Variants in SLC6A6 observed in about 807,000 individuals in gnomAD.
SLC6A6 encodes the protein sodium- and chloride-dependent taurine transporter.
SLC6A6 carries 16 observed loss-of-function variants against 68.8 expected under a neutral mutation model. The observed-to-expected ratio is 0.23, with a 90% CI of 0.16 to 0.35. The LOEUF is 0.35. Ranked by LOEUF, SLC6A6 falls within the 10% of genes least tolerant of loss-of-function variation. The probability of loss-of-function intolerance (pLI) is 1.00; values close to 1 mark genes in which losing one functional copy is unlikely to be tolerated. For missense variants in SLC6A6, 474 were observed against 802.8 expected, an observed-to-expected ratio of 0.59 and a Z score of 4.95; for synonymous variants, 312 against 315.4, an observed-to-expected ratio of 0.99 and a Z score of 0.12.
intron 5 of SLC6A6, among the ~76,000 whole-genome samples, chr3:14,454,281 G>C (rs1361211108): frequency 8.4e-6 from 1 of 118,566 alleles, no homozygotes; most frequent in Non-Finnish European, 1.8e-5. Flanking sequence ...CAGGGGCAGA[G>C]ACTGTGCTGG....
chr3:14,471,137 T>A (rs555816275), intron 9 of SLC6A6, among the ~76,000 whole-genome samples: 2,284 of 149,380 alleles, frequency 0.015, 75 homozygotes, highest in African/African-American at 0.054. Flanking sequence ...TGACTTTTTT[T>A]TTTTTTTTTT....
At position 14,488,252 on chromosome 3, in the gene SLC6A6, C is replaced by T. The variant is rs926098731; in HGVS notation, c.*3245C>T. On this transcript the variant is annotated 3_prime_UTR_variant, in exon 15 of 15. Transcript: ENST00000622186. ...GGAAGTGGCCTTGGATGCTCTCCTTCCAGGACAGCATAACCCCTGGGCCAT... is the reference window on the plus strand; with the variant it reads ...GGAAGTGGCCTTGGATGCTCTCCTTTCAGGACAGCATAACCCCTGGGCCAT... 2 of 152,536 alleles carry T rather than the reference C, an allele frequency of 1.3e-5. No individual in the cohort carries two copies. Among genetic ancestry groups the T allele is most frequent in the South Asian group, 2.1e-4 (1 of 4,834 alleles). The allele number at this position is 152,536 out of a possible 1,614,324, so 9.4% of individuals were successfully genotyped here. A position where few individuals can be genotyped will look rare whatever the true frequency, so the allele number is the denominator to read the frequency against.
Position 14,468,718 on chromosome 3 carries a change from G to A in SLC6A6, c.1096+506G>A, listed in dbSNP as rs114010799. Among the ~76,000 whole-genome samples the A allele has an allele frequency of 0.011, 1,663 of 152,274 alleles. 28 individuals carry two copies. Among genetic ancestry groups the A allele is most frequent in the African/African-American group, 0.037 (1,531 of 41,548 alleles). ...GTGTCAGGCACCACCGTAGGCACTG[G>A]GTGCAGTGTGTGGGGGGAGGGCGTA... On this transcript the variant is annotated intron_variant, in intron 9 of 14. Transcript: ENST00000622186. The surrounding 1 kb of genome is among the most constrained non-coding windows in gnomAD (Gnocchi z 4.5).
chr3:14,471,066 C>T (rs1355475168), intron 9 of SLC6A6, among the ~76,000 whole-genome samples: 6 of 148,804 alleles, frequency 4.0e-5, no homozygotes, highest in Non-Finnish European at 7.4e-5. Flanking sequence ...TTGAGCCATT[C>T]GTCTGGTTTC....
intron 6 of SLC6A6, among the ~76,000 whole-genome samples, chr3:14,462,363 G>A (rs990732942): frequency 1.3e-5 from 2 of 152,118 alleles, no homozygotes; most frequent in African/African-American, 4.8e-5. Context: ...TAGGATCTGT[G>A]GCCTGCACTT....
intron 2 of SLC6A6, among the ~76,000 whole-genome samples, chr3:14,424,356 TA>T (rs572276461): frequency 0.084 from 11,770 of 139,826 alleles, 1,381 homozygotes; most frequent in African/African-American, 0.27. Flanking sequence ...CACGCAAAGT[TA>T]AAAAAAAAAA....
rs1336517548 is a variant in SLC6A6, at chr3:14,468,198, A to T, written c.1082A>T (p.Asp361Val). 1.2e-6 allele frequency: 2 copies of T among 1,613,764 alleles called. No individual in the cohort carries two copies. Among genetic ancestry groups the T allele is most frequent in the Non-Finnish European group, 1.7e-6 (2 of 1,179,916 alleles). Reference protein sequence around the residue: ...MAQEQGVDIADVAESGPGLAF... With the variant: ...MAQEQGVDIAVVAESGPGLAF... ...CAAGAGCAAGGGGTGGACATTGCTGATGTGGCTGAGTCAGGTACGGTGGTA... is the reference window on the plus strand; with the variant it reads ...CAAGAGCAAGGGGTGGACATTGCTGTTGTGGCTGAGTCAGGTACGGTGGTA... The change falls in exon 9 of 15, where the codon GAT (aspartate) becomes GTT (valine). Residue 361 changes from aspartate (D) to valine (V), a missense_variant. Asp to Val is a radical substitution (Grantham distance 152, BLOSUM62 -3). Transcript: ENST00000622186. The surrounding 1 kb of genome is among the most constrained non-coding windows in gnomAD (Gnocchi z 4.5).
At chr3:14,441,426 C>G (rs962532397) in intron 2 of SLC6A6, among the ~76,000 whole-genome samples, 1 of 152,160 alleles carries the variant, frequency 6.6e-6, no homozygotes. Flanking sequence ...TGTCGAATCC[C>G]GCGCCCGGCC....
intron 1 of SLC6A6, among the ~76,000 whole-genome samples, chr3:14,403,704 T>A (rs1699040668): frequency 6.6e-6 from 1 of 152,218 alleles, no homozygotes; most frequent in South Asian, 2.1e-4. Flanking sequence ...GCAGGACACT[T>A]CCCCCTCCAG....
chr3:14,480,800 C>T (rs1012998814), intron 13 of SLC6A6, among the ~76,000 whole-genome samples: 3 of 152,240 alleles, frequency 2.0e-5, no homozygotes, highest in African/African-American at 7.2e-5. Flanking sequence ...GAGCCCCGAG[C>T]CAGCCTTAGG....
chr3:14,416,475 G>A (rs1287876038), intron 2 of SLC6A6, 22 bp downstream of exon 2: 5 of 398,566 alleles, frequency 1.3e-5, no homozygotes, highest in African/African-American at 6.2e-5. Context: ...TGGACCTCCA[G>A]GTGGGATGGG....
chr3:14,429,351 A>T lies in SLC6A6; in HGVS notation c.-12+12898A>T, dbSNP rs112959253. On this transcript the variant is annotated intron_variant, in intron 2 of 14. Transcript: ENST00000622186. ...CCAGGGCCTGGTGAGGAGCAGCAGC[A>T]ATAGGGAATAAGAGACTCTCTGGCA... 8.5e-3 allele frequency among the ~76,000 whole-genome samples: 1,295 copies of T among 152,308 alleles called. 12 individuals are homozygous for T. The highest frequency in any genetic ancestry group is 0.014 in the Admixed American group (218 of 15,298).
At chr3:14,419,130 A>C (rs1363609637) in intron 2 of SLC6A6, among the ~76,000 whole-genome samples, 6 of 152,152 alleles carry the variant, frequency 3.9e-5, no homozygotes, top group Admixed American at 2.6e-4. Flanking sequence ...AGGCTTGCTG[A>C]TGTATTTGCG....
intron 5 of SLC6A6, among the ~76,000 whole-genome samples, chr3:14,456,273 T>C (rs1325465239): frequency 6.6e-6 from 1 of 152,284 alleles, no homozygotes; most frequent in Non-Finnish European, 1.5e-5. Context: ...AGCCCACTGA[T>C]GTCGCTGTGA....
intron 3 of SLC6A6, 115 bp from the exon 4 acceptor site, chr3:14,445,602 G>C: frequency 1.3e-5 from 16 of 1,206,452 alleles, no homozygotes; most frequent in Non-Finnish European, 1.9e-5. Flanking sequence ...TTGGCCTTGA[G>C]CCTCATGCCC....
intron 10 of SLC6A6, among the ~76,000 whole-genome samples, chr3:14,476,026 A>C (rs537535985): frequency 6.6e-6 from 1 of 152,342 alleles, no homozygotes; most frequent in Non-Finnish European, 1.5e-5. Flanking sequence ...ATGCTGGGGA[A>C]ACGTCCTTCC....
intron 1 of SLC6A6, among the ~76,000 whole-genome samples, chr3:14,403,464 T>C (rs972155496): frequency 3.3e-5 from 5 of 152,156 alleles, no homozygotes; most frequent in Non-Finnish European, 5.9e-5. Context: ...CACTCGTGTG[T>C]CCTCGGCTGT....
chr3:14,476,902 A>G (rs909215672), intron 10 of SLC6A6, among the ~76,000 whole-genome samples: 1 of 152,226 alleles, frequency 6.6e-6, no homozygotes, highest in African/African-American at 2.4e-5. Flanking sequence ...AGGATGGGGA[A>G]AGGCATTCTG....
intron 2 of SLC6A6, among the ~76,000 whole-genome samples, chr3:14,417,652 A>G (rs184057619): frequency 0.028 from 4,195 of 152,034 alleles, 96 homozygotes; most frequent in Middle Eastern, 0.048. Flanking sequence ...GAATGGCGTG[A>G]ACCCGGGGGA....
Sources: allele counts gnomAD v4.1 joint callset (sites outside exome capture counted in the v4.1 genomes callset), GRCh38; gene constraint gnomAD v4.1.1; non-coding constraint Gnocchi (gnomAD v3.1); transcripts MANE v1.5; gene names NCBI Gene and HGNC (gene_info 2026-07-23, HGNC 2026-07-21).